The following LARGE1 variants were observed in gnomAD, a reference collection of about 807,000 sequenced individuals.
LARGE1 encodes the protein LARGE xylosyl- and glucuronyltransferase 1, also known as xylosyl- and glucuronyltransferase LARGE1.
LARGE1 carries 43 observed loss-of-function variants against 87.6 expected under a neutral mutation model. The ratio of observed to expected loss-of-function variants is 0.49; its 90% CI spans 0.38 to 0.63. The LOEUF is 0.63. LARGE1 is among the 30% of genes least tolerant of loss of function. The probability of loss-of-function intolerance (pLI) is 0.00; values close to 1 mark genes in which losing one functional copy is unlikely to be tolerated. For synonymous variants in LARGE1, 434 were observed against 394.6 expected (o/e 1.10, Z -1.18); for missense variants, 802 against 1,000.2 (o/e 0.80, Z 2.67).
intron 6 of LARGE1, among the ~76,000 whole-genome samples, chr22:33,545,361 T>A (rs4821161): frequency 6.7e-6 from 1 of 148,662 alleles, no homozygotes; most frequent in South Asian, 2.1e-4. Flanking sequence ...CAGCCTCCTG[T>A]GTTCAACTCA....
intron 5 of LARGE1, among the ~76,000 whole-genome samples, chr22:33,582,360 G>C (rs887490732): frequency 6.6e-6 from 1 of 151,566 alleles, no homozygotes; most frequent in African/African-American, 2.4e-5. Context: ...TTGACCTAAT[G>C]GAAAACATTG....
intron 11 of LARGE1, among the ~76,000 whole-genome samples, chr22:33,167,009 A>C (rs1262232482): frequency 6.6e-6 from 1 of 152,224 alleles, no homozygotes; most frequent in African/African-American, 2.4e-5. Flanking sequence ...TTACATGCAT[A>C]ACATTAAGAG....
intron 11 of LARGE1, among the ~76,000 whole-genome samples, chr22:33,261,025 G>A (rs1927597074): frequency 6.6e-6 from 1 of 152,126 alleles, no homozygotes; most frequent in African/African-American, 2.4e-5. Context: ...AACCATGCCT[G>A]GCATGACCCA....
At chr22:33,304,178 A>G (rs377507026) in intron 12 of LARGE1, 51 bp downstream of exon 12, 3 of 1,604,448 alleles carry the variant, frequency 1.9e-6, no homozygotes, top group African/African-American at 2.7e-5. Flanking sequence ...CTGGCACTGC[A>G]TGGCCCTATG....
chr22:33,860,329 AC>A (rs1368442885), intron 1 of LARGE1, among the ~76,000 whole-genome samples: 3 of 152,092 alleles, frequency 2.0e-5, no homozygotes, highest in African/African-American at 7.2e-5. Flanking sequence ...CTGATACTTA[AC>A]CCCAGGGCTT....
intron 6 of LARGE1, among the ~76,000 whole-genome samples, chr22:33,432,570 T>A (rs1158320457): frequency 7.5e-6 from 1 of 133,426 alleles, no homozygotes; most frequent in African/African-American, 3.2e-5. Context: ...AAATCATTCA[T>A]TCATTCATTC....
chr22:33,812,127 C>A (rs1466704313), intron 1 of LARGE1, among the ~76,000 whole-genome samples: 1 of 152,206 alleles, frequency 6.6e-6, no homozygotes, highest in Non-Finnish European at 1.5e-5. Context: ...AAACGATTAA[C>A]AACATGTACA....
intron 1 of LARGE1, among the ~76,000 whole-genome samples, chr22:33,807,829 G>T (rs1004813059): frequency 6.6e-6 from 1 of 152,116 alleles, no homozygotes; most frequent in Non-Finnish European, 1.5e-5. Flanking sequence ...TTCATGGCTT[G>T]ATGGCTCATT....
the LARGE1 span, among the ~76,000 whole-genome samples, chr22:33,125,923 T>C: frequency 1.3e-5 from 2 of 152,160 alleles, no homozygotes; most frequent in Admixed American, 1.3e-4. Flanking sequence ...AATTTTTGTA[T>C]TTTTAATAGA....
intron 7 of LARGE1, among the ~76,000 whole-genome samples, chr22:33,411,251 G>A (rs1240432337): frequency 6.6e-6 from 1 of 152,170 alleles, no homozygotes; most frequent in Admixed American, 6.5e-5. Flanking sequence ...TCCAGGTGTT[G>A]GAATGCTGCA....
chr22:33,264,638 G>A (rs1470536613), intron 11 of LARGE1, among the ~76,000 whole-genome samples: 1 of 152,128 alleles, frequency 6.6e-6, no homozygotes, highest in Non-Finnish European at 1.5e-5. Context: ...CAGCCCGAGC[G>A]ACAGAGTGAG....
At chr22:33,828,456 A>G (rs1190750807) in intron 1 of LARGE1, among the ~76,000 whole-genome samples, 1 of 152,250 alleles carries the variant, frequency 6.6e-6, no homozygotes, top group Non-Finnish European at 1.5e-5. Flanking sequence ...AGATCTGACA[A>G]CTAGGTCATC....
At chr22:33,265,457 T>C (rs1927883328) in intron 11 of LARGE1, among the ~76,000 whole-genome samples, 1 of 152,032 alleles carries the variant, frequency 6.6e-6, no homozygotes, top group African/African-American at 2.4e-5. Flanking sequence ...GAGTCTCACT[T>C]ACCGTTTTAA....
intron 11 of LARGE1, among the ~76,000 whole-genome samples, chr22:33,311,844 C>T (rs931089033): frequency 6.6e-6 from 1 of 152,062 alleles, no homozygotes; most frequent in Non-Finnish European, 1.5e-5. Flanking sequence ...TAAACAGGAC[C>T]CTATGAGGCA....
At chr22:33,279,723 C>T (rs114245327) in intron 13 of LARGE1, among the ~76,000 whole-genome samples, 45 of 152,268 alleles carry the variant, frequency 3.0e-4, no homozygotes, top group African/African-American at 9.4e-4. Flanking sequence ...AGGGATATTG[C>T]GGGAGATGTC....
Position 33,554,239 on chromosome 22 carries a change from C to T in LARGE1, c.787+10609G>A, listed in dbSNP as rs141246201. ...TGTGCTTGCTGATTTCATCCTGCCC[C>T]CATCCAATGAGCCCTGTGTTAGATT... On this transcript the variant is annotated intron_variant, in intron 6 of 14. Coordinates refer to ENST00000397394, the MANE Select transcript of LARGE1 (RefSeq NM_133642.5). Among the ~76,000 whole-genome samples, 213 of 152,090 alleles carry T rather than the reference C, an allele frequency of 1.4e-3. 1 individual carries two copies. The highest frequency in any genetic ancestry group is 4.6e-3 in the African/African-American group (192 of 41,478).
the LARGE1 span, among the ~76,000 whole-genome samples, chr22:33,121,999 G>T: frequency 2.6e-5 from 4 of 152,134 alleles, no homozygotes; most frequent in Non-Finnish European, 5.9e-5. Flanking sequence ...CCCATGACAC[G>T]TGGGAATTAT....
At position 33,687,119 on chromosome 22, in the gene LARGE1, G is replaced by A. The variant is rs1328499338; in HGVS notation, c.107-36451C>T. Among the ~76,000 whole-genome samples the A allele has an allele frequency of 2.0e-5, 3 of 150,706 alleles. 1 individual carries two copies. Among genetic ancestry groups the A allele is most frequent in the South Asian group, 4.2e-4 (2 of 4,754 alleles). On this transcript the variant is annotated intron_variant, in intron 2 of 14. Coordinates refer to ENST00000397394, the MANE Select transcript of LARGE1 (RefSeq NM_133642.5). ...TGGAATATTCTTCCCTCAGATCTTTGCTTGGCTTCCTGCTCCAAGATGACC... is the reference window on the plus strand; with the variant it reads ...TGGAATATTCTTCCCTCAGATCTTTACTTGGCTTCCTGCTCCAAGATGACC...
intron 1 of LARGE1, among the ~76,000 whole-genome samples, chr22:33,862,827 C>CAA (rs1321569397): frequency 1.3e-5 from 2 of 152,078 alleles, no homozygotes; most frequent in Admixed American, 6.6e-5. Context: ...AATTTTTTAT[C>CAA]AGAGGTCAAA....
Sources: gnomAD v4.1 joint callset for allele counts (sites outside exome capture counted in the v4.1 genomes callset) on GRCh38, gnomAD v4.1.1 for gene constraint, MANE v1.5 for transcripts, NCBI Gene and HGNC (gene_info 2026-07-23, HGNC 2026-07-21) for gene names.